ORC2: variants seen among roughly 807,000 people sequenced by gnomAD.
The protein encoded by ORC2 is origin recognition complex subunit 2.
Under a neutral mutation model 77.7 loss-of-function variants are expected in ORC2, and 37 were observed. The observed-to-expected ratio is 0.48, with a 90% CI of 0.37 to 0.63. ORC2 has a LOEUF of 0.63. Among genes scored for constraint, ORC2 ranks in the 20% least tolerant of loss-of-function variants. The pLI is 0.00. For missense variants in ORC2, 557 were observed against 661.9 expected (o/e 0.84, Z 1.74); for synonymous variants, 201 against 229.5 (o/e 0.88, Z 1.12).
rs906964539 is a variant in ORC2 at position 200,910,396 on chromosome 2, C to G, written c.*905G>C. 3 of 152,116 alleles carry G rather than the reference C, an allele frequency of 2.0e-5. No individual in the cohort carries two copies. Among genetic ancestry groups the G allele is most frequent in the African/African-American group, 7.2e-5 (3 of 41,422 alleles). 9.4% of individuals were successfully genotyped at this position (152,116 alleles called of 1,614,324 possible). A position where few individuals can be genotyped will look rare whatever the true frequency, so the allele number is the denominator to read the frequency against. On this transcript the variant is annotated 3_prime_UTR_variant, in exon 18 of 18. Transcript: ENST00000234296. ...TACAGTGAGTTTTAGGTCTACTTGA[C>G]AGAGGAATCAAAATTAATTTACAGC...
intron 1 of ORC2, among the ~76,000 whole-genome samples, chr2:200,960,438 C>T (rs2041552137): frequency 6.6e-6 from 1 of 152,088 alleles, no homozygotes; most frequent in Admixed American, 6.5e-5. Context: ...GGCCATTTTT[C>T]TAGTCATAAT....
intron 6 of ORC2, 45 bp from the exon 7 acceptor site, chr2:200,941,324 C>A (rs2041148243): frequency 6.4e-7 from 1 of 1,565,750 alleles, no homozygotes; most frequent in South Asian, 1.1e-5. Flanking sequence ...GGACACTTCA[C>A]TTTTCATTGT....
Position 200,913,594 on chromosome 2 carries a change from A to G in ORC2, c.1529-181T>C, listed in dbSNP as rs540732693. The G allele has an allele frequency of 1.6e-4, 201 of 1,288,288 alleles. 1 individual carries two copies. In the African/African-American group the frequency reaches 2.4e-3, roughly 16 times the overall value. 79.8% of individuals were successfully genotyped at this position (1,288,288 alleles called of 1,614,324 possible). A position where few individuals can be genotyped will look rare whatever the true frequency, so the allele number is the denominator to read the frequency against. On this transcript the variant is annotated intron_variant, in intron 16 of 17. Transcript: ENST00000234296. The stretch of plus-strand genomic sequence containing the variant: ...AGTCATGAGAGCAGAACAATTATTA[A>G]AATGTTTGTTGAAATCATTTTTGCC...
intron 8 of ORC2, among the ~76,000 whole-genome samples, chr2:200,937,227 G>C (rs1484400742): frequency 6.6e-6 from 1 of 152,198 alleles, no homozygotes; most frequent in African/African-American, 2.4e-5. Flanking sequence ...TATTTGGGAT[G>C]AGGAGAAAAC....
chr2:200,942,612 A>G, intron 6 of ORC2, 73 bp downstream of exon 6: 1 of 716,232 alleles, frequency 1.4e-6, no homozygotes, highest in Admixed American at 3.0e-5. Context: ...TTCACAAACA[A>G]GGAAAAAAGT....
intron 1 of ORC2, among the ~76,000 whole-genome samples, chr2:200,960,938 A>C (rs2041558986): frequency 6.6e-6 from 1 of 151,848 alleles, no homozygotes; most frequent in African/African-American, 2.4e-5. Flanking sequence ...CACCACACCC[A>C]GCTAATTTTT....
In ORC2 at chr2:200,909,947, G is replaced by A. The variant is rs2040522978; in HGVS notation, c.*1354C>T. 1 of 151,968 alleles carries A rather than the reference G, an allele frequency of 6.6e-6. No individual in the cohort carries two copies. 9.4% of individuals were successfully genotyped at this position (151,968 alleles called of 1,614,324 possible). A position where few individuals can be genotyped will look rare whatever the true frequency, so the allele number is the denominator to read the frequency against. On this transcript the variant is annotated 3_prime_UTR_variant, in exon 18 of 18. Coordinates refer to ENST00000234296, the MANE Select transcript of ORC2 (RefSeq NM_006190.5). ...CGGATGATTTTTTAAATTTTTTGTA[G>A]AGACAAGGTCTCACTATGTTGCCCA...
At chr2:200,918,333 C>T (rs1197313587) in intron 15 of ORC2, among the ~76,000 whole-genome samples, 3 of 151,988 alleles carry the variant, frequency 2.0e-5, no homozygotes, top group Non-Finnish European at 4.4e-5. Context: ...TAAATTCTGT[C>T]TATTATGCTG....
At chr2:200,942,660 T>C (rs748598934) in intron 6 of ORC2, 25 bp downstream of exon 6, 1 of 1,322,022 alleles carries the variant, frequency 7.6e-7, no homozygotes. Flanking sequence ...AAAATTCTTT[T>C]CAAAGAACTA....
rs1271400854 is a variant in ORC2, at chr2:200,963,614, G to A, written c.-184C>T. 1 of 398,520 alleles carries A rather than the reference G, an allele frequency of 2.5e-6. No homozygotes were observed. Among genetic ancestry groups the A allele is most frequent in the Admixed American group, 4.4e-5 (1 of 22,730 alleles). The allele number at this position is 398,520 out of a possible 1,614,324, so 24.7% of individuals were successfully genotyped here. ...GAAAAGCCAATTTCCAGTAATTCGC[G>A]CCCGACCACCGGGGAGGTAAGGAGC... On this transcript the variant is annotated 5_prime_UTR_variant, in exon 1 of 18. Coordinates refer to ENST00000234296, the MANE Select transcript of ORC2 (RefSeq NM_006190.5).
At position 200,909,366 on chromosome 2, in the gene ORC2, C is replaced by A. The variant is rs2124914487; in HGVS notation, c.*1935G>T. The A allele has an allele frequency of 6.6e-6, 1 of 152,192 alleles. No homozygotes were observed. Among genetic ancestry groups the A allele is most frequent in the East Asian group, 1.9e-4 (1 of 5,176 alleles). 9.4% of individuals were successfully genotyped at this position (152,192 alleles called of 1,614,324 possible). A position where few individuals can be genotyped will look rare whatever the true frequency, so the allele number is the denominator to read the frequency against. On this transcript the variant is annotated 3_prime_UTR_variant, in exon 18 of 18. Coordinates refer to ENST00000234296, the MANE Select transcript of ORC2 (RefSeq NM_006190.5). ...CTATTAAAAAAATTTTTTTAAATCA[C>A]ATTTATGTACAAATTTGTTTAAACA...
chr2:200,917,807 G>A (rs370561025), intron 15 of ORC2, among the ~76,000 whole-genome samples: 1 of 151,476 alleles, frequency 6.6e-6, no homozygotes, highest in African/African-American at 2.4e-5. Context: ...AGCTTCTTCT[G>A]AATCTATAAT....
intron 11 of ORC2, among the ~76,000 whole-genome samples, chr2:200,927,673 G>T (rs1018250217): frequency 6.7e-6 from 1 of 150,008 alleles, no homozygotes; most frequent in Non-Finnish European, 1.5e-5. Flanking sequence ...CAGGGCAACA[G>T]AGCAAGACAG....
intron 10 of ORC2, among the ~76,000 whole-genome samples, chr2:200,932,292 G>C (rs760471204): frequency 6.7e-6 from 1 of 150,212 alleles, no homozygotes; most frequent in Non-Finnish European, 1.5e-5. Context: ...ACTTGAGTGT[G>C]AACACTAGAA....
Position 200,963,512 on chromosome 2 carries a change from G to A in ORC2, c.-82C>T, listed in dbSNP as rs936173520. The A allele has an allele frequency of 5.0e-6, 2 of 398,498 alleles. No individual in the cohort carries two copies. Among genetic ancestry groups the A allele is most frequent in the East Asian group, 3.6e-5 (1 of 28,088 alleles). The allele number at this position is 398,498 out of a possible 1,614,324, so 24.7% of individuals were successfully genotyped here. On this transcript the variant is annotated 5_prime_UTR_variant, in exon 1 of 18. Coordinates refer to ENST00000234296, the MANE Select transcript of ORC2 (RefSeq NM_006190.5). ...CACCGCTAGGTTTCCGTCTGGCGCC[G>A]ATCCGGCTGCGTCACGCCGGCCGAA...
At chr2:200,919,550 G>A (rs1160541126) in intron 15 of ORC2, among the ~76,000 whole-genome samples, 1 of 152,030 alleles carries the variant, frequency 6.6e-6, no homozygotes, top group East Asian at 1.9e-4. Flanking sequence ...GTAGAGATGG[G>A]GTTTCCCCAT....
chr2:200,963,116 G>A, intron 1 of ORC2: 2 of 222,022 alleles, frequency 9.0e-6, no homozygotes, highest in Non-Finnish European at 8.8e-6. Context: ...AGAGGGCTTC[G>A]TAAGCTGGGA....
chr2:200,922,304 A>C (rs2040774215), intron 13 of ORC2, among the ~76,000 whole-genome samples: 1 of 151,416 alleles, frequency 6.6e-6, no homozygotes, highest in Admixed American at 6.6e-5. Flanking sequence ...TGGGCTTGGT[A>C]AGAAGAAAGT....
Position 200,913,287 on chromosome 2 carries a change from A to G in ORC2, c.1647+8T>C. 1 of 1,579,052 alleles carries G rather than the reference A, an allele frequency of 6.3e-7. No individual in the cohort carries two copies. The highest frequency in any genetic ancestry group is 1.1e-5 in the South Asian group (1 of 90,008). On this transcript the variant is annotated splice_region_variant and intron_variant, in intron 17 of 17. Transcript: ENST00000234296. ...CTGGCATACAATGCTACAATAGTGG[A>G]GTCTTACCTTCTTTGTTCTTATAAG...
Sources: allele counts gnomAD v4.1 joint callset (sites outside exome capture counted in the v4.1 genomes callset), GRCh38; gene constraint gnomAD v4.1.1; transcripts MANE v1.5; gene names NCBI Gene and HGNC (gene_info 2026-07-23, HGNC 2026-07-21).